Variants in KCTD8 observed in about 807,000 individuals in gnomAD.
KCTD8 encodes the protein potassium channel tetramerization domain containing 8.
Under a neutral mutation model 31.5 loss-of-function variants are expected in KCTD8, and 27 were observed. That is an observed-to-expected ratio of 0.86 (90% CI 0.63 to 1.18). KCTD8 has a LOEUF of 1.18. KCTD8 is among the 50% of genes most tolerant of loss of function. The pLI, the probability that KCTD8 is intolerant of heterozygous loss-of-function variation, is 0.00. For synonymous variants in KCTD8, 290 were observed against 280.0 expected (o/e 1.04, Z -0.36); for missense variants, 658 against 647.7 (o/e 1.02, Z -0.17).
At chr4:44,361,163 AAAG>A (rs1241499839) in intron 1 of KCTD8, among the ~76,000 whole-genome samples, 1 of 151,894 alleles carries the variant, frequency 6.6e-6, no homozygotes, top group East Asian at 1.9e-4. Context: ...CATTCATTGT[AAAG>A]ATCCTTATTT....
chr4:44,303,921 C>T (rs1220970932), intron 1 of KCTD8, among the ~76,000 whole-genome samples: 2 of 152,042 alleles, frequency 1.3e-5, no homozygotes, highest in African/African-American at 4.8e-5. Context: ...AAAGGTATTG[C>T]CCTCCAAAAT....
rs552151341 is a variant in KCTD8 at position 44,265,169 on chromosome 4, C to T, written c.962-89919G>A. The stretch of plus-strand genomic sequence containing the variant: ...AGTAGGGGCAGACTGACACCTCACA[C>T]GGCCGGGTACTCCTCTGAGACAAAA... On this transcript the variant is annotated intron_variant, in intron 1 of 1. Coordinates refer to ENST00000360029, the MANE Select transcript of KCTD8 (RefSeq NM_198353.3). Among the ~76,000 whole-genome samples the T allele has an allele frequency of 1.3e-4, 20 of 152,208 alleles. No homozygotes were observed. In the South Asian group the frequency reaches 2.5e-3, roughly 19 times the overall value.
intron 1 of KCTD8, among the ~76,000 whole-genome samples, chr4:44,332,831 T>C (rs1056870261): frequency 6.6e-6 from 1 of 152,044 alleles, no homozygotes; most frequent in South Asian, 2.1e-4. Context: ...GTTTCAAAAA[T>C]GCTCTTGGTT....
chr4:44,281,227 C>T (rs914426286), intron 1 of KCTD8, among the ~76,000 whole-genome samples: 10 of 152,132 alleles, frequency 6.6e-5, no homozygotes, highest in Admixed American at 5.2e-4. Context: ...TTTATCTGTA[C>T]CCAACTAAAA....
intron 1 of KCTD8, among the ~76,000 whole-genome samples, chr4:44,340,946 A>G (rs1042848457): frequency 6.6e-6 from 1 of 151,766 alleles, no homozygotes; most frequent in African/African-American, 2.4e-5. Context: ...TATATATAAC[A>G]TATATAAAAT....
intron 1 of KCTD8, among the ~76,000 whole-genome samples, chr4:44,316,212 A>G (rs1718104304): frequency 6.6e-6 from 1 of 151,874 alleles, no homozygotes; most frequent in South Asian, 2.1e-4. Context: ...TATCTTAACT[A>G]TGTTGATTTT....
chr4:44,275,090 G>T (rs1716715459), intron 1 of KCTD8, among the ~76,000 whole-genome samples: 2 of 152,068 alleles, frequency 1.3e-5, no homozygotes, highest in South Asian at 4.1e-4. Flanking sequence ...ACAGGATAAA[G>T]ATTATACTGC....
At chr4:44,209,274 G>T (rs1714408909) in intron 1 of KCTD8, among the ~76,000 whole-genome samples, 1 of 152,026 alleles carries the variant, frequency 6.6e-6, no homozygotes. Flanking sequence ...AAGAGAATAT[G>T]AGATTCAGAA....
intron 1 of KCTD8, among the ~76,000 whole-genome samples, chr4:44,374,376 C>T (rs1480080961): frequency 6.6e-6 from 1 of 152,146 alleles, no homozygotes; most frequent in East Asian, 1.9e-4. Flanking sequence ...TAAGGGAATG[C>T]TGGCTGAAGG....
At chr4:44,239,539 T>C (rs1715388524) in intron 1 of KCTD8, among the ~76,000 whole-genome samples, 1 of 152,200 alleles carries the variant, frequency 6.6e-6, no homozygotes, top group African/African-American at 2.4e-5. Flanking sequence ...GGCAGGGTGC[T>C]GTGTAAGACT....
At chr4:44,347,671 G>A (rs1719068959) in intron 1 of KCTD8, among the ~76,000 whole-genome samples, 1 of 152,116 alleles carries the variant, frequency 6.6e-6, no homozygotes, top group Non-Finnish European at 1.5e-5. Context: ...TATAACTAAT[G>A]AGAAAATTAT....
intron 1 of KCTD8, among the ~76,000 whole-genome samples, chr4:44,305,174 A>G (rs1717764814): frequency 6.6e-6 from 1 of 152,000 alleles, no homozygotes; most frequent in African/African-American, 2.4e-5. Flanking sequence ...ATTAAAATCT[A>G]GGAAAAAAGA....
At chr4:44,353,370 A>C (rs963076936) in intron 1 of KCTD8, among the ~76,000 whole-genome samples, 1 of 152,010 alleles carries the variant, frequency 6.6e-6, no homozygotes, top group Non-Finnish European at 1.5e-5. Context: ...GTATATATTT[A>C]TGGGATACAT....
chr4:44,284,243 C>T (rs541645998), intron 1 of KCTD8, among the ~76,000 whole-genome samples: 1 of 151,398 alleles, frequency 6.6e-6, no homozygotes, highest in African/African-American at 2.5e-5. Context: ...TACAAGGGTA[C>T]AGTAACCAAA....
chr4:44,441,481 C>T (rs1390452867), intron 1 of KCTD8, among the ~76,000 whole-genome samples: 5 of 152,074 alleles, frequency 3.3e-5, no homozygotes, highest in Non-Finnish European at 5.9e-5. Context: ...TTTGAGTTCA[C>T]TCATATACGT....
intron 1 of KCTD8, among the ~76,000 whole-genome samples, chr4:44,261,868 A>G (rs1163548916): frequency 6.6e-6 from 1 of 152,070 alleles, no homozygotes. Context: ...TTCACAATGC[A>G]TATGCATATC....
intron 1 of KCTD8, among the ~76,000 whole-genome samples, chr4:44,194,414 CCTT>C (rs1560391344): frequency 6.6e-6 from 1 of 152,108 alleles, no homozygotes; most frequent in Non-Finnish European, 1.5e-5. Flanking sequence ...ACTGGTAACA[CCTT>C]CTATGTAGAT....
intron 1 of KCTD8, among the ~76,000 whole-genome samples, chr4:44,399,995 G>C (rs936870604): frequency 6.6e-6 from 1 of 152,110 alleles, no homozygotes; most frequent in Non-Finnish European, 1.5e-5. Context: ...GTTATAAAAA[G>C]AGACCTTAAT....
At chr4:44,355,238 T>C (rs1368737948) in intron 1 of KCTD8, among the ~76,000 whole-genome samples, 1 of 152,204 alleles carries the variant, frequency 6.6e-6, no homozygotes, top group Non-Finnish European at 1.5e-5. Flanking sequence ...TTTTTTTCTG[T>C]CTTTTAAAAC....
Sources: gnomAD v4.1 joint callset for allele counts (sites outside exome capture counted in the v4.1 genomes callset) on GRCh38, gnomAD v4.1.1 for gene constraint, MANE v1.5 for transcripts, NCBI Gene and HGNC (gene_info 2026-07-23, HGNC 2026-07-21) for gene names.